The following RBFOX1 variants were observed in gnomAD, a reference collection of about 807,000 sequenced individuals.
RBFOX1 encodes RNA binding protein fox-1 homolog 1.
Under a neutral mutation model 57.7 loss-of-function variants are expected in RBFOX1, and 8 were observed. That is an observed-to-expected ratio of 0.14 (90% CI 0.08 to 0.25). The LOEUF (loss-of-function observed/expected upper bound fraction) is 0.25. Among genes scored for constraint, RBFOX1 ranks in the 10% least tolerant of loss-of-function variants. The probability of loss-of-function intolerance (pLI) is 1.00; values close to 1 mark genes in which losing one functional copy is unlikely to be tolerated. For missense variants in RBFOX1, 611 were observed against 548.5 expected, an observed-to-expected ratio of 1.11 and a Z score of -1.14; for synonymous variants, 326 against 222.4, an observed-to-expected ratio of 1.47 and a Z score of -4.15.
intron 1 of RBFOX1, among the ~76,000 whole-genome samples, chr16:6,260,173 T>C (rs906797434): frequency 9.2e-5 from 14 of 152,196 alleles, no homozygotes; most frequent in African/African-American, 2.2e-4. Context: ...AGTTCTCCCA[T>C]TGAAAATAAT....
chr16:6,781,683 C>A (rs150360637), intron 3 of RBFOX1, among the ~76,000 whole-genome samples: 3 of 152,168 alleles, frequency 2.0e-5, no homozygotes, highest in Admixed American at 1.3e-4. Context: ...TTATCCATTT[C>A]TTCCAGATTT....
intron 4 of RBFOX1, among the ~76,000 whole-genome samples, chr16:7,333,288 A>G (rs2144489753): frequency 6.6e-6 from 1 of 152,324 alleles, no homozygotes; most frequent in South Asian, 2.1e-4. Flanking sequence ...TAAATGGTGT[A>G]GTTGAGCTAT....
intron 3 of RBFOX1, among the ~76,000 whole-genome samples, chr16:5,821,350 C>T (rs2055852927): frequency 7.2e-6 from 1 of 138,712 alleles, no homozygotes; most frequent in Non-Finnish European, 1.5e-5. Context: ...GGCTGGAGTG[C>T]AGTGTTGCAA....
At chr16:5,392,070 G>A (rs575750627) in intron 1 of RBFOX1, among the ~76,000 whole-genome samples, 94 of 152,160 alleles carry the variant, frequency 6.2e-4, no homozygotes, top group Non-Finnish European at 1.2e-3. Flanking sequence ...TCATAAGTGG[G>A]AGCTAAGCTA....
At chr16:6,579,079 C>G (rs958990024) in intron 2 of RBFOX1, among the ~76,000 whole-genome samples, 1 of 152,042 alleles carries the variant, frequency 6.6e-6, no homozygotes, top group African/African-American at 2.4e-5. Context: ...AATATTTGCT[C>G]AAAAATGAGG....
At chr16:6,467,997 C>G (rs2095089015) in intron 2 of RBFOX1, among the ~76,000 whole-genome samples, 1 of 152,138 alleles carries the variant, frequency 6.6e-6, no homozygotes, top group Admixed American at 6.6e-5. Flanking sequence ...ACCAGAGCCT[C>G]TTTGAGAGTT....
chr16:7,157,982 A>C (rs2077490071), intron 4 of RBFOX1, among the ~76,000 whole-genome samples: 1 of 152,212 alleles, frequency 6.6e-6, no homozygotes, highest in African/African-American at 2.4e-5. Context: ...GATTGACAAA[A>C]AGCTGTAAGA....
intron 1 of RBFOX1, among the ~76,000 whole-genome samples, chr16:5,423,485 C>A (rs915494137): frequency 6.6e-6 from 1 of 152,154 alleles, no homozygotes; most frequent in Non-Finnish European, 1.5e-5. Flanking sequence ...CAACAGGGAG[C>A]ATTTTGAGCT....
intron 4 of RBFOX1, among the ~76,000 whole-genome samples, chr16:7,446,140 C>G (rs150747451): frequency 1.6e-4 from 25 of 152,230 alleles, no homozygotes; most frequent in African/African-American, 5.5e-4. Flanking sequence ...CTAATTAACA[C>G]CAGAGAAGGA....
At chr16:7,154,490 G>T (rs1419008992) in intron 4 of RBFOX1, among the ~76,000 whole-genome samples, 10 of 152,200 alleles carry the variant, frequency 6.6e-5, no homozygotes, top group Admixed American at 3.9e-4. Context: ...GCTTGAATCT[G>T]CTCAGTGACA....
At chr16:5,366,477 G>T (rs1840075533) in intron 1 of RBFOX1, 1 of 435,480 alleles carries the variant, frequency 2.3e-6, no homozygotes, top group Admixed American at 2.8e-5. Flanking sequence ...GATCAAAAGG[G>T]CAAGAATCCT....
chr16:6,549,683 G>A (rs996206060), intron 2 of RBFOX1, among the ~76,000 whole-genome samples: 2 of 152,038 alleles, frequency 1.3e-5, no homozygotes, highest in Non-Finnish European at 2.9e-5. Flanking sequence ...CTAGACGATA[G>A]GGCTGGAGTC....
chr16:6,673,110 C>T (rs140387456), intron 3 of RBFOX1, among the ~76,000 whole-genome samples: 1 of 152,160 alleles, frequency 6.6e-6, no homozygotes, highest in African/African-American at 2.4e-5. Context: ...GCAACACTTG[C>T]TTATAGCAGA....
intron 2 of RBFOX1, among the ~76,000 whole-genome samples, chr16:6,532,674 G>A (rs1043284864): frequency 9.2e-5 from 14 of 152,112 alleles, no homozygotes; most frequent in African/African-American, 3.4e-4. Flanking sequence ...TCTGGACTGT[G>A]CACTTTTCTG....
intron 2 of RBFOX1, among the ~76,000 whole-genome samples, chr16:6,423,255 G>T (rs1250275309): frequency 1.3e-5 from 2 of 152,202 alleles, no homozygotes; most frequent in African/African-American, 2.4e-5. Flanking sequence ...AAGCTGCAGA[G>T]AAACTTTTTG....
intron 5 of RBFOX1, among the ~76,000 whole-genome samples, chr16:7,572,540 C>G (rs2152782638): frequency 6.6e-6 from 1 of 152,114 alleles, no homozygotes; most frequent in East Asian, 1.9e-4. Context: ...GATGATCCAC[C>G]CATCAAAAAT....
At chr16:5,244,241 A>G (rs899139582) in intron 1 of RBFOX1, among the ~76,000 whole-genome samples, 6 of 152,230 alleles carry the variant, frequency 3.9e-5, no homozygotes, top group African/African-American at 7.2e-5. Context: ...TACTTGGGCA[A>G]TATCTTTACA....
chr16:7,476,088 C>T (rs889368298), intron 4 of RBFOX1, among the ~76,000 whole-genome samples: 49 of 152,146 alleles, frequency 3.2e-4, no homozygotes, highest in Admixed American at 7.2e-4. Flanking sequence ...ACCTCAGCAT[C>T]CTGAGTAGCT....
intron 4 of RBFOX1, among the ~76,000 whole-genome samples, chr16:7,210,998 C>T (rs891544322): frequency 6.6e-6 from 1 of 151,182 alleles, no homozygotes; most frequent in African/African-American, 2.4e-5. Flanking sequence ...TGTTAAATTG[C>T]TTGACTACAT....
Sources: gnomAD v4.1 joint callset for allele counts (sites outside exome capture counted in the v4.1 genomes callset) on GRCh38, gnomAD v4.1.1 for gene constraint, MANE v1.5 for transcripts, NCBI Gene and HGNC (gene_info 2026-07-23, HGNC 2026-07-21) for gene names.